Variants in TNNI3K observed in about 807,000 individuals in gnomAD.
TNNI3K encodes the protein TNNI3 interacting kinase.
A neutral mutation model predicts 114.5 loss-of-function variants in TNNI3K; 140 were observed. The ratio of observed to expected loss-of-function variants is 1.22; its 90% CI spans 1.07 to 1.41. The LOEUF is 1.41. Ranked by LOEUF, TNNI3K falls within the 40% of genes most tolerant of loss-of-function variation. The pLI is 0.00. For synonymous variants in TNNI3K, 347 were observed against 347.5 expected (o/e 1.00, Z 0.02); for missense variants, 1,125 against 1,007.6 (o/e 1.12, Z -1.58).
intron 5 of TNNI3K, among the ~76,000 whole-genome samples, chr1:74,296,824 T>C (rs1012867179): frequency 6.6e-6 from 1 of 152,188 alleles, no homozygotes; most frequent in South Asian, 2.1e-4. Context: ...GATAGTATTG[T>C]GTCTTTTAAA....
chr1:74,312,152 G>A (rs1465869043), intron 5 of TNNI3K, among the ~76,000 whole-genome samples: 3 of 152,162 alleles, frequency 2.0e-5, no homozygotes, highest in Non-Finnish European at 2.9e-5. Flanking sequence ...TAAAGCATAT[G>A]GACATGGAAA....
intron 4 of TNNI3K, among the ~76,000 whole-genome samples, chr1:74,261,192 G>A (rs554090696): frequency 9.8e-4 from 149 of 151,686 alleles, no homozygotes; most frequent in Non-Finnish European, 1.6e-3. Flanking sequence ...TGTCTATTCA[G>A]TTAAAATTTG....
At chr1:74,359,238 C>A (rs1194688152) in intron 11 of TNNI3K, among the ~76,000 whole-genome samples, 1 of 152,000 alleles carries the variant, frequency 6.6e-6, no homozygotes, top group East Asian at 1.9e-4. Flanking sequence ...AACCACTTTA[C>A]AGAATTCTGA....
At chr1:74,373,155 A>T (rs185105034) in intron 17 of TNNI3K, 82 of 152,052 alleles carry the variant, frequency 5.4e-4, no homozygotes, top group African/African-American at 1.9e-3. Context: ...CTTGGCAAAT[A>T]AGACATATGC....
chr1:74,403,168 A>G (rs1487287365), intron 17 of TNNI3K, among the ~76,000 whole-genome samples: 1 of 152,184 alleles, frequency 6.6e-6, no homozygotes, highest in African/African-American at 2.4e-5. Flanking sequence ...AAAGTGACCC[A>G]TAATTCTGGA....
chr1:74,463,981 C>T (rs1557582100), intron 21 of TNNI3K, among the ~76,000 whole-genome samples: 1 of 152,312 alleles, frequency 6.6e-6, no homozygotes, highest in African/African-American at 2.4e-5. Flanking sequence ...GACCTGGGTC[C>T]TAATCCCTCT....
chr1:74,502,866 A>G (rs1669705464), intron 23 of TNNI3K, among the ~76,000 whole-genome samples: 1 of 151,624 alleles, frequency 6.6e-6, no homozygotes, highest in Admixed American at 6.5e-5. Context: ...ATCTTCTTCA[A>G]AACAGCCTCT....
chr1:74,427,720 A>G (rs1665704539), intron 17 of TNNI3K, among the ~76,000 whole-genome samples: 1 of 152,142 alleles, frequency 6.6e-6, no homozygotes, highest in Non-Finnish European at 1.5e-5. Context: ...CAGTTTGCAT[A>G]CCTAAGATTC....
intron 5 of TNNI3K, among the ~76,000 whole-genome samples, chr1:74,325,593 G>A (rs1268413110): frequency 1.3e-5 from 2 of 152,126 alleles, no homozygotes; most frequent in African/African-American, 4.8e-5. Flanking sequence ...CATGAGAATG[G>A]GCAATTAGGG....
intron 23 of TNNI3K, among the ~76,000 whole-genome samples, chr1:74,496,312 T>C (rs910108948): frequency 2.0e-5 from 3 of 152,194 alleles, no homozygotes; most frequent in Non-Finnish European, 4.4e-5. Context: ...ATTACGTGCA[T>C]CATCCCTGCC....
chr1:74,443,324 G>C (rs1054234505), intron 20 of TNNI3K, among the ~76,000 whole-genome samples: 2 of 151,946 alleles, frequency 1.3e-5, no homozygotes, highest in African/African-American at 2.4e-5. Flanking sequence ...ATGATAAAGA[G>C]GATATAATTG....
chr1:74,386,342 A>G (rs1570556128), intron 17 of TNNI3K, among the ~76,000 whole-genome samples: 1 of 152,172 alleles, frequency 6.6e-6, no homozygotes, highest in African/African-American at 2.4e-5. Flanking sequence ...GAAAAAAAAA[A>G]ATACCCTAAA....
chr1:74,420,205 TCTC>T lies in TNNI3K; in HGVS notation c.1773-15872_1773-15870del, dbSNP rs541631475. ...AAGCCAAAAATTAACTAGAAGAAGT[TCTC>T]CTATATTTGGAGGAGTAAAACTGCA... On this transcript the variant is annotated intron_variant, in intron 17 of 24. Coordinates refer to ENST00000326637, the MANE Select transcript of TNNI3K (RefSeq NM_015978.3). Among the ~76,000 whole-genome samples the T allele has an allele frequency of 2.3e-3, 349 of 152,208 alleles. 1 individual carries two copies. The highest frequency in any genetic ancestry group is 4.1e-3 in the Non-Finnish European group (280 of 67,994).
chr1:74,407,915 A>G (rs913086603), intron 17 of TNNI3K, among the ~76,000 whole-genome samples: 6 of 152,164 alleles, frequency 3.9e-5, no homozygotes, highest in African/African-American at 9.7e-5. Context: ...GTATATGCCC[A>G]TGGTTATCAC....
At chr1:74,237,136 T>G (rs1480305133) in intron 2 of TNNI3K, among the ~76,000 whole-genome samples, 1 of 151,964 alleles carries the variant, frequency 6.6e-6, no homozygotes, top group African/African-American at 2.4e-5. Flanking sequence ...TATATGAAAT[T>G]CGTCAATGGA....
intron 23 of TNNI3K, among the ~76,000 whole-genome samples, chr1:74,508,493 A>G (rs1427327355): frequency 1.3e-5 from 2 of 152,242 alleles, no homozygotes; most frequent in African/African-American, 4.8e-5. Flanking sequence ...ACCTGGCCAG[A>G]GTAGTTCTAG....
At chr1:74,240,177 T>C (rs1297388972) in intron 2 of TNNI3K, 1 of 215,806 alleles carries the variant, frequency 4.6e-6, no homozygotes, top group Non-Finnish European at 9.7e-6. Flanking sequence ...GCTTTTTTTC[T>C]TATTTAGCCT....
At chr1:74,500,713 C>T (rs1224472944) in intron 23 of TNNI3K, among the ~76,000 whole-genome samples, 1 of 146,216 alleles carries the variant, frequency 6.8e-6, no homozygotes, top group African/African-American at 2.5e-5. Context: ...CTTATCTTCC[C>T]TCTTTTTTAA....
chr1:74,352,732 T>A (rs1300823972), intron 9 of TNNI3K, among the ~76,000 whole-genome samples: 1 of 152,186 alleles, frequency 6.6e-6, no homozygotes, highest in Admixed American at 6.5e-5. Flanking sequence ...GTGCTAGCAA[T>A]GAGCGAGGCT....
Sources: allele counts gnomAD v4.1 joint callset (sites outside exome capture counted in the v4.1 genomes callset), GRCh38; gene constraint gnomAD v4.1.1; transcripts MANE v1.5; gene names NCBI Gene and HGNC (gene_info 2026-07-23, HGNC 2026-07-21).